Variants in DCAF13 observed in about 807,000 individuals in gnomAD.
DCAF13 encodes the protein DDB1- and CUL4-associated factor 13.
In DCAF13, 38 loss-of-function variants were observed where a neutral mutation model predicts 59.0. The ratio of observed to expected loss-of-function variants is 0.64; its 90% CI spans 0.50 to 0.84. The LOEUF (loss-of-function observed/expected upper bound fraction) is 0.84, where lower values mean the gene tolerates loss of function less well. DCAF13 is among the 40% of genes least tolerant of loss of function. DCAF13 has a pLI of 0.00. For missense variants in DCAF13, 469 were observed against 558.4 expected, an observed-to-expected ratio of 0.84 and a Z score of 1.61; for synonymous variants, 173 against 175.0, an observed-to-expected ratio of 0.99 and a Z score of 0.09.
At chr8:103,417,891 G>A (rs1489568494) in intron 1 of DCAF13, among the ~76,000 whole-genome samples, 1 of 151,980 alleles carries the variant, frequency 6.6e-6, no homozygotes, top group Non-Finnish European at 1.5e-5. Context: ...AGGCCGAGGC[G>A]GGAAGATCAC....
rs200232163 is a variant in DCAF13 at position 103,441,926 on chromosome 8, C to T, written c.1250+308C>T. On this transcript the variant is annotated intron_variant, in intron 10 of 10. Transcript: ENST00000612750. ...GACTACAGGCACGCGCCACCATGCG[C>T]GGCTAATTTTTTGTATTTTTAGTAG... 163 of 235,588 alleles carry T rather than the reference C, an allele frequency of 6.9e-4. No homozygotes were observed. In the Middle Eastern group the frequency reaches 9.5e-3, roughly 14 times the overall value. The allele number at this position is 235,588 out of a possible 1,614,324, so 14.6% of individuals were successfully genotyped here.
chr8:103,436,233 G>C (rs1816930813), intron 8 of DCAF13, among the ~76,000 whole-genome samples: 1 of 151,938 alleles, frequency 6.6e-6, no homozygotes, highest in Non-Finnish European at 1.5e-5. Flanking sequence ...AAAGTTTTTT[G>C]CTCCAATACA....
At chr8:103,421,104 C>T (rs377711032) in intron 3 of DCAF13, 22 bp downstream of exon 3, 21 of 1,444,984 alleles carry the variant, frequency 1.5e-5, no homozygotes, top group Non-Finnish European at 2.0e-5. Flanking sequence ...ACCATTAAGT[C>T]ATTAAATTTG....
At chr8:103,432,954 A>G (rs964790295) in intron 7 of DCAF13, among the ~76,000 whole-genome samples, 6 of 152,314 alleles carry the variant, frequency 3.9e-5, no homozygotes, top group Admixed American at 1.3e-4. Flanking sequence ...GACCAGGGAC[A>G]GTAAACAACT....
intron 7 of DCAF13, among the ~76,000 whole-genome samples, 168 bp downstream of exon 7, chr8:103,432,909 A>G (rs1816885113): frequency 6.6e-6 from 1 of 152,176 alleles, no homozygotes; most frequent in Admixed American, 6.5e-5. Flanking sequence ...ACTTCTTAGA[A>G]AAGTATTTAT....
chr8:103,426,588 A>G (rs1454217699), intron 4 of DCAF13, among the ~76,000 whole-genome samples: 1 of 152,180 alleles, frequency 6.6e-6, no homozygotes, highest in Non-Finnish European at 1.5e-5. Flanking sequence ...TGTTTCTACC[A>G]AATTATTCTG....
At chr8:103,424,023 A>AT (rs879520355) in intron 3 of DCAF13, among the ~76,000 whole-genome samples, 137 of 143,554 alleles carry the variant, frequency 9.5e-4, no homozygotes, top group East Asian at 1.2e-3. Flanking sequence ...TTTCAAAAAG[A>AT]TTTTTTTTTT....
chr8:103,431,932 A>G (rs953449083), intron 6 of DCAF13, among the ~76,000 whole-genome samples: 2 of 152,028 alleles, frequency 1.3e-5, no homozygotes, highest in Non-Finnish European at 2.9e-5. Flanking sequence ...CTAATTTGCA[A>G]CTCATTTATT....
intron 7 of DCAF13, 72 bp from the exon 8 acceptor site, chr8:103,435,554 G>C (rs1393115806): frequency 8.0e-7 from 1 of 1,252,086 alleles, no homozygotes; most frequent in Non-Finnish European, 1.1e-6. Flanking sequence ...CTTGTTTTCA[G>C]TGGTATCTTT....
intron 3 of DCAF13, among the ~76,000 whole-genome samples, chr8:103,424,932 A>G (rs1234224047): frequency 1.3e-5 from 2 of 152,208 alleles, no homozygotes; most frequent in Non-Finnish European, 2.9e-5. Context: ...CTTTTTGTCT[A>G]TAACAAGGAT....
At chr8:103,420,918 A>G (rs548751419) in intron 2 of DCAF13, 57 bp from the exon 3 acceptor site, 46 of 1,241,078 alleles carry the variant, frequency 3.7e-5, no homozygotes, top group Non-Finnish European at 4.4e-5. Context: ...TGTTGAATTT[A>G]TCCTGAACAT....
intron 4 of DCAF13, among the ~76,000 whole-genome samples, 190 bp downstream of exon 4, chr8:103,426,335 GTT>G (rs113065425): frequency 2.1e-5 from 3 of 145,288 alleles, no homozygotes; most frequent in Non-Finnish European, 1.5e-5. Context: ...AATTTTAACA[GTT>G]TTTTTTTTTT....
At chr8:103,432,517 A>G (rs930885786) in intron 6 of DCAF13, 142 bp from the exon 7 acceptor site, 4 of 431,182 alleles carry the variant, frequency 9.3e-6, no homozygotes, top group Non-Finnish European at 1.7e-5. Flanking sequence ...GTATTTAAGA[A>G]GCAATTACTG....
intron 1 of DCAF13, among the ~76,000 whole-genome samples, chr8:103,418,860 A>ATT (rs1386404125): frequency 0.11 from 3,954 of 34,590 alleles, 212 homozygotes; most frequent in African/African-American, 0.22. Context: ...ATATATATAT[A>ATT]TATATATTTT....
chr8:103,433,557 C>G (rs890798162), intron 7 of DCAF13, among the ~76,000 whole-genome samples: 5 of 151,808 alleles, frequency 3.3e-5, no homozygotes, highest in African/African-American at 9.7e-5. Flanking sequence ...GTTTTATGTT[C>G]CACTATGTAG....
At chr8:103,419,738 C>T (rs942646331) in intron 1 of DCAF13, among the ~76,000 whole-genome samples, 9 of 152,106 alleles carry the variant, frequency 5.9e-5, no homozygotes, top group African/African-American at 1.7e-4. Context: ...AGGCCGGGCA[C>T]GGTGGCTCAT....
chr8:103,428,638 A>C (rs907679746), intron 5 of DCAF13: 1 of 152,206 alleles, frequency 6.6e-6, no homozygotes, highest in Admixed American at 6.5e-5. Flanking sequence ...CCAAGTGTAA[A>C]AGTTGATAAC....
intron 6 of DCAF13, among the ~76,000 whole-genome samples, chr8:103,431,908 T>C (rs1038176742): frequency 4.6e-5 from 7 of 152,142 alleles, no homozygotes; most frequent in African/African-American, 1.7e-4. Context: ...TTCAAGGTGC[T>C]CTGAAATCTG....
intron 6 of DCAF13, 140 bp from the exon 7 acceptor site, chr8:103,432,519 C>A (rs1816879616): frequency 2.3e-6 from 1 of 433,254 alleles, no homozygotes. Flanking sequence ...ATTTAAGAAG[C>A]AATTACTGAT....
Sources: gnomAD v4.1 joint callset for allele counts (sites outside exome capture counted in the v4.1 genomes callset) on GRCh38, gnomAD v4.1.1 for gene constraint, MANE v1.5 for transcripts, NCBI Gene and HGNC (gene_info 2026-07-23, HGNC 2026-07-21) for gene names.